Variants in CACNB4 observed in about 807,000 individuals in gnomAD.
CACNB4 encodes the protein voltage-dependent L-type calcium channel subunit beta-4.
CACNB4 carries 32 observed loss-of-function variants against 71.2 expected under a neutral mutation model. That is an observed-to-expected ratio of 0.45 (90% CI 0.34 to 0.60). The LOEUF is 0.60. CACNB4 is among the 20% of genes least tolerant of loss of function. The probability of loss-of-function intolerance (pLI) is 0.01; values close to 1 mark genes in which losing one functional copy is unlikely to be tolerated. For missense variants in CACNB4, 464 were observed against 647.9 expected, an observed-to-expected ratio of 0.72 and a Z score of 3.08; for synonymous variants, 231 against 236.9, an observed-to-expected ratio of 0.97 and a Z score of 0.23.
At chr2:151,857,360 A>C (rs1438390132) in intron 10 of CACNB4, 1 of 152,244 alleles carries the variant, frequency 6.6e-6, no homozygotes, top group Non-Finnish European at 1.5e-5. Context: ...GAAAGACTTC[A>C]CATTGCTTGG....
At chr2:152,045,338 G>C (rs1685092727) in intron 2 of CACNB4, among the ~76,000 whole-genome samples, 1 of 152,162 alleles carries the variant, frequency 6.6e-6, no homozygotes, top group East Asian at 1.9e-4. Flanking sequence ...ATATTATCTA[G>C]CCTTAAAAAG....
At chr2:151,840,646 C>G (rs1311985283) in intron 13 of CACNB4, among the ~76,000 whole-genome samples, 1 of 152,162 alleles carries the variant, frequency 6.6e-6, no homozygotes, top group Non-Finnish European at 1.5e-5. Flanking sequence ...ATGTTCATTT[C>G]TAGTTTCAAA....
intron 2 of CACNB4, among the ~76,000 whole-genome samples, chr2:151,903,529 C>T (rs1453436368): frequency 1.3e-5 from 2 of 152,014 alleles, no homozygotes; most frequent in Admixed American, 1.3e-4. Flanking sequence ...AAAAAAAATT[C>T]ATTTACTTTG....
chr2:151,839,830 T>G (rs1206190649), intron 13 of CACNB4, among the ~76,000 whole-genome samples: 1 of 152,226 alleles, frequency 6.6e-6, no homozygotes, highest in Non-Finnish European at 1.5e-5. Flanking sequence ...TAACTGAATA[T>G]TCCTTATACC....
At chr2:151,988,285 TG>T (rs2151759174) in intron 2 of CACNB4, among the ~76,000 whole-genome samples, 1 of 152,298 alleles carries the variant, frequency 6.6e-6, no homozygotes, top group Non-Finnish European at 1.5e-5. Flanking sequence ...CTCTCTCAGT[TG>T]TTCATATTCA....
At chr2:152,015,352 C>T (rs1358666279) in intron 2 of CACNB4, among the ~76,000 whole-genome samples, 3 of 152,088 alleles carry the variant, frequency 2.0e-5, no homozygotes, top group Admixed American at 6.5e-5. Context: ...AGGCTGGTCT[C>T]GAACTCCTGA....
chr2:152,097,804 C>T (rs962421160), intron 2 of CACNB4, among the ~76,000 whole-genome samples: 1 of 152,220 alleles, frequency 6.6e-6, no homozygotes, highest in African/African-American at 2.4e-5. Context: ...ATCCAAGAAG[C>T]GGTCCTAAAG....
At chr2:151,884,646 A>G (rs2099848887) in intron 2 of CACNB4, among the ~76,000 whole-genome samples, 1 of 150,850 alleles carries the variant, frequency 6.6e-6, no homozygotes, top group Non-Finnish European at 1.5e-5. Flanking sequence ...AAAAAAAAAA[A>G]AAAAAAAAAA....
rs531062176 is a variant in CACNB4 at position 151,914,294 on chromosome 2, T to C, written c.148-30924A>G. On this transcript the variant is annotated intron_variant, in intron 2 of 13. Transcript: ENST00000539935. ...GATACTTGTGTATGCTTCACCAAGT[T>C]CTCGTGCTGTGTTTTTCAGCTCCAT... 5.9e-5 allele frequency among the ~76,000 whole-genome samples: 9 copies of C among 152,310 alleles called. No homozygotes were observed. The South Asian group carries it at 1.9e-3, about 32-fold the overall frequency.
chr2:151,907,558 C>T (rs939301225), intron 2 of CACNB4, among the ~76,000 whole-genome samples: 1 of 152,158 alleles, frequency 6.6e-6, no homozygotes, highest in Admixed American at 6.5e-5. Flanking sequence ...TAATAAAACG[C>T]CAGTCTTTAT....
rs371181467 is a variant in CACNB4 at position 151,943,506 on chromosome 2, CA to C, written c.148-60137del. Among the ~76,000 whole-genome samples the C allele has an allele frequency of 2.3e-3, 350 of 151,820 alleles. 2 individuals are homozygous for C. The highest frequency in any genetic ancestry group is 8.1e-3 in the African/African-American group (334 of 41,380). Reference sequence around the variant, plus strand: ...AAGATGGAGTAAGTACAGATTAATGCACTTATTTCTGGAAGAAAAAAAAAAC... The same window carrying C: ...AAGATGGAGTAAGTACAGATTAATGCCTTATTTCTGGAAGAAAAAAAAAAC... On this transcript the variant is annotated intron_variant, in intron 2 of 13. Transcript: ENST00000539935.
intron 2 of CACNB4, among the ~76,000 whole-genome samples, chr2:151,954,850 C>CTTTTT (rs34054917): frequency 0.016 from 1,480 of 94,848 alleles, 35 homozygotes; most frequent in Middle Eastern, 0.031. Flanking sequence ...CAAGTCAGCA[C>CTTTTT]TTTTTTTTTT....
chr2:151,981,227 C>T (rs1353356855), intron 2 of CACNB4, among the ~76,000 whole-genome samples: 1 of 152,206 alleles, frequency 6.6e-6, no homozygotes, highest in African/African-American at 2.4e-5. Context: ...TACTCAGCTT[C>T]ACACCCCACA....
At chr2:151,991,419 T>C (rs2151763059) in intron 2 of CACNB4, among the ~76,000 whole-genome samples, 1 of 152,360 alleles carries the variant, frequency 6.6e-6, no homozygotes, top group South Asian at 2.1e-4. Context: ...CATGTTTTTC[T>C]CTAACCTGAG....
intron 2 of CACNB4, among the ~76,000 whole-genome samples, chr2:152,024,738 T>C (rs543130736): frequency 6.6e-6 from 1 of 152,346 alleles, no homozygotes; most frequent in South Asian, 2.1e-4. Flanking sequence ...TGCAACAATA[T>C]GGTGGGCATC....
chr2:151,928,395 A>G (rs1300693400), intron 2 of CACNB4, among the ~76,000 whole-genome samples: 1 of 152,154 alleles, frequency 6.6e-6, no homozygotes. Context: ...CAGCCCCATA[A>G]AGGCAAGGAC....
intron 10 of CACNB4, 109 bp downstream of exon 10, chr2:151,860,602 T>C: frequency 2.6e-6 from 2 of 776,740 alleles, no homozygotes; most frequent in Non-Finnish European, 4.6e-6. Flanking sequence ...TACTCAGTGC[T>C]CCCCCGTTCA....
At chr2:151,845,633 T>A (rs772212153) in intron 12 of CACNB4, among the ~76,000 whole-genome samples, 4 of 152,250 alleles carry the variant, frequency 2.6e-5, no homozygotes, top group African/African-American at 9.6e-5. Context: ...GGGCTATGGA[T>A]GCAGAGAGCT....
intron 5 of CACNB4, 34 bp downstream of exon 5, chr2:151,876,392 C>A (rs778618997): frequency 4.2e-5 from 65 of 1,565,990 alleles, no homozygotes; most frequent in Non-Finnish European, 5.5e-5. Context: ...ATTTTCTGAC[C>A]AAAAAAAAGT....
Sources: gnomAD v4.1 joint callset for allele counts (sites outside exome capture counted in the v4.1 genomes callset) on GRCh38, gnomAD v4.1.1 for gene constraint, MANE v1.5 for transcripts, NCBI Gene and HGNC (gene_info 2026-07-23, HGNC 2026-07-21) for gene names.